Variants in SYNGR1 observed in about 807,000 individuals in gnomAD.
The protein encoded by SYNGR1 is synaptogyrin 1, also known as synaptogyrin-1.
Under a neutral mutation model 26.1 loss-of-function variants are expected in SYNGR1, and 14 were observed. That is an observed-to-expected ratio of 0.54 (90% CI 0.35 to 0.84). SYNGR1 has a LOEUF of 0.84. Among genes scored for constraint, SYNGR1 ranks in the 40% least tolerant of loss-of-function variants. SYNGR1 has a pLI of 0.01. For synonymous variants in SYNGR1, 141 were observed against 150.1 expected (o/e 0.94, Z 0.44); for missense variants, 319 against 332.9 (o/e 0.96, Z 0.33).
In SYNGR1 at chr22:39,350,587, G is replaced by C. The variant is rs1168284749; in HGVS notation, c.99+478G>C. Among the ~76,000 whole-genome samples the C allele has an allele frequency of 6.6e-6, 1 of 152,134 alleles. No homozygotes were observed. Among genetic ancestry groups the C allele is most frequent in the Non-Finnish European group, 1.5e-5 (1 of 68,012 alleles). On this transcript the variant is annotated intron_variant, in intron 1 of 3. Transcript: ENST00000328933. This position sits in a 1 kb window ranked among gnomAD's most constrained non-coding sequence, Gnocchi z 4.3. ...TTGGAGGAGGAGAGGGCCGGGAACC[G>C]GGTTCGTATTGCCTAGCCCGGCCCG...
At chr22:39,356,449 G>T (rs1183267548) in intron 1 of SYNGR1, among the ~76,000 whole-genome samples, 1 of 152,222 alleles carries the variant, frequency 6.6e-6, no homozygotes, top group Non-Finnish European at 1.5e-5. Flanking sequence ...GAGGTTAACT[G>T]GAGTCACTGG....
intron 1 of SYNGR1, 69 bp from the exon 2 acceptor site, chr22:39,374,247 C>T: frequency 6.7e-7 from 1 of 1,499,708 alleles, no homozygotes; most frequent in Non-Finnish European, 9.3e-7. Flanking sequence ...GGGTGGCAGC[C>T]TCCCCGTCCC....
intron 3 of SYNGR1, chr22:39,379,927 T>C (rs1757041767): frequency 6.6e-6 from 1 of 152,204 alleles, no homozygotes; most frequent in African/African-American, 2.4e-5. Flanking sequence ...CTGGAGAGTA[T>C]CAGCACATTC....
chr22:39,360,281 C>T (rs143993739), intron 1 of SYNGR1, among the ~76,000 whole-genome samples: 61 of 152,292 alleles, frequency 4.0e-4, no homozygotes, highest in Admixed American at 7.8e-4. Context: ...GGCTCTTCTG[C>T]GTCAGCTTGC....
chr22:39,372,004 G>A lies in SYNGR1; in HGVS notation c.100-2312G>A, dbSNP rs141332994. 5.8e-4 allele frequency among the ~76,000 whole-genome samples: 88 copies of A among 152,170 alleles called. 1 individual carries two copies. The East Asian group carries it at 0.01, about 18-fold the overall frequency. On this transcript the variant is annotated intron_variant, in intron 1 of 3. Coordinates refer to ENST00000328933, the MANE Select transcript of SYNGR1 (RefSeq NM_004711.5). ...AAATATTTGTTATCTGACAGTTTCT[G>A]TGGGTGAGGAATCTGCTAAGCTTGG... is the stretch of plus-strand genomic sequence containing the variant.
chr22:39,353,393 G>A (rs933662192), intron 1 of SYNGR1, among the ~76,000 whole-genome samples: 6 of 152,166 alleles, frequency 3.9e-5, no homozygotes, highest in African/African-American at 1.4e-4. Flanking sequence ...TGCCCAGGCT[G>A]GTCTCAGACT....
rs368198502 is a variant in SYNGR1 at position 39,377,447 on chromosome 22, G to T, written c.483+1250G>T. ...CCAGCCTACAGGGAGGAGTTTAGGG[G>T]CGGGGCTCACAGAGGAGTAGTGGAT... On this transcript the variant is annotated intron_variant, in intron 3 of 3. Transcript: ENST00000328933. The T allele has an allele frequency of 1.7e-5, 25 of 1,511,056 alleles. No individual in the cohort carries two copies. The East Asian group carries it at 5.4e-4, about 33-fold the overall frequency. The allele number at this position is 1,511,056 out of a possible 1,614,324, so 93.6% of individuals were successfully genotyped here. A position where few individuals can be genotyped will look rare whatever the true frequency, so the allele number is the denominator to read the frequency against.
Position 39,350,151 on chromosome 22 carries a change from TG to T in SYNGR1, c.99+47del, listed in dbSNP as rs1279442433. 6 of 1,340,102 alleles carry T rather than the reference TG, an allele frequency of 4.5e-6. No individual in the cohort carries two copies. Among genetic ancestry groups the T allele is most frequent in the Admixed American group, 2.6e-5 (1 of 39,076 alleles). The allele number at this position is 1,340,102 out of a possible 1,614,324, so 83.0% of individuals were successfully genotyped here. ...CGACGGCTCTGCCAGGCCGGGGTGG[TG>T]GGGGTGTGAGCAAAGGCGGCGCGCC... On this transcript the variant is annotated intron_variant, in intron 1 of 3. Transcript: ENST00000328933. This position sits in a 1 kb window ranked among gnomAD's most constrained non-coding sequence, Gnocchi z 4.3.
intron 1 of SYNGR1, among the ~76,000 whole-genome samples, 157 bp from the exon 2 acceptor site, chr22:39,374,159 T>G (rs746311070): frequency 7.9e-5 from 12 of 152,114 alleles, no homozygotes; most frequent in Non-Finnish European, 1.2e-4. Context: ...TAAGTTACCC[T>G]CCCTCTCTGG....
In SYNGR1 at chr22:39,374,298, T is replaced by A; in HGVS notation, c.100-18T>A. ...CAGGGGTCTGCCCAGGTCTAAGGTG[T>A]GGCCCCACCCCCGACAGCTGTTCTC... On this transcript the variant is annotated intron_variant, in intron 1 of 3. Transcript: ENST00000328933. 1 of 1,612,718 alleles carries A rather than the reference T, an allele frequency of 6.2e-7. No homozygotes were observed. The highest frequency in any genetic ancestry group is 8.5e-7 in the Non-Finnish European group (1 of 1,179,226).
chr22:39,355,710 C>T (rs555664498), intron 1 of SYNGR1, among the ~76,000 whole-genome samples: 5 of 152,182 alleles, frequency 3.3e-5, no homozygotes, highest in African/African-American at 7.2e-5. Flanking sequence ...GGGGAGGCCT[C>T]GAGAGTTTAT....
intron 1 of SYNGR1, chr22:39,364,203 C>G (rs1192029750): frequency 6.2e-7 from 1 of 1,613,418 alleles, no homozygotes; most frequent in Non-Finnish European, 8.5e-7. Flanking sequence ...TCATGTTGAC[C>G]TTAGAGTTTG....
rs534583009 is a variant in SYNGR1 at position 39,378,018 on chromosome 22, G to A, written c.483+1821G>A. The A allele has an allele frequency of 2.7e-5, 32 of 1,203,744 alleles. No individual in the cohort carries two copies. The Admixed American group carries it at 4.6e-4, about 17-fold the overall frequency. The allele number at this position is 1,203,744 out of a possible 1,614,324, so 74.6% of individuals were successfully genotyped here. ...CAATATCTCTTCCAAATGGACAGCCGTGGACAGTTACCAGGTAGGTAGCGG... is the reference window on the plus strand; with the variant it reads ...CAATATCTCTTCCAAATGGACAGCCATGGACAGTTACCAGGTAGGTAGCGG... On this transcript the variant is annotated intron_variant, in intron 3 of 3. Transcript: ENST00000328933.
chr22:39,365,040 C>T (rs1202203195), intron 1 of SYNGR1, among the ~76,000 whole-genome samples: 1 of 152,116 alleles, frequency 6.6e-6, no homozygotes, highest in Non-Finnish European at 1.5e-5. Flanking sequence ...AGCTTGTTTT[C>T]CCTCTGCTTG....
At chr22:39,370,466 C>T (rs1055407545) in intron 1 of SYNGR1, among the ~76,000 whole-genome samples, 9 of 151,680 alleles carry the variant, frequency 5.9e-5, no homozygotes, top group South Asian at 2.1e-4. Context: ...TGTAGAGATG[C>T]GGTTTTACAA....
At chr22:39,369,081 A>G (rs1342306080) in intron 1 of SYNGR1, among the ~76,000 whole-genome samples, 3 of 152,150 alleles carry the variant, frequency 2.0e-5, no homozygotes, top group African/African-American at 7.2e-5. Context: ...GCGGGTCTGT[A>G]TGATTCCTCA....
chr22:39,357,216 A>G (rs1003544439), intron 1 of SYNGR1, among the ~76,000 whole-genome samples: 1 of 152,098 alleles, frequency 6.6e-6, no homozygotes, highest in Non-Finnish European at 1.5e-5. Flanking sequence ...CAGTGAGCCA[A>G]GATCCCACCA....
At chr22:39,356,993 C>T (rs950082387) in intron 1 of SYNGR1, among the ~76,000 whole-genome samples, 5 of 152,154 alleles carry the variant, frequency 3.3e-5, no homozygotes, top group Admixed American at 3.3e-4. Flanking sequence ...CGCGATGGCT[C>T]ACACTTGTAA....
chr22:39,353,452 G>A (rs1924007388), intron 1 of SYNGR1, among the ~76,000 whole-genome samples: 1 of 152,212 alleles, frequency 6.6e-6, no homozygotes, highest in Non-Finnish European at 1.5e-5. Context: ...CAGCTGGGAC[G>A]ATGAGGCGAG....
Sources: allele counts gnomAD v4.1 joint callset (sites outside exome capture counted in the v4.1 genomes callset), GRCh38; gene constraint gnomAD v4.1.1; non-coding constraint Gnocchi (gnomAD v3.1); transcripts MANE v1.5; gene names NCBI Gene and HGNC (gene_info 2026-07-23, HGNC 2026-07-21).